Variants in TRANK1 observed in about 807,000 individuals in gnomAD.
TRANK1 encodes the protein tetratricopeptide repeat and ankyrin repeat containing 1.
A neutral mutation model predicts 266.0 loss-of-function variants in TRANK1; 198 were observed. That is an observed-to-expected ratio of 0.74 (90% CI 0.66 to 0.84). TRANK1 has a LOEUF of 0.84. TRANK1 is among the 40% of genes least tolerant of loss of function. The probability of loss-of-function intolerance (pLI) is 0.00; values close to 1 mark genes in which losing one functional copy is unlikely to be tolerated. For missense variants in TRANK1, 3,326 were observed against 3,634.6 expected, an observed-to-expected ratio of 0.92 and a Z score of 2.18; for synonymous variants, 1,396 against 1,384.1, an observed-to-expected ratio of 1.01 and a Z score of -0.19.
In TRANK1 at chr3:36,831,671, G is replaced by T. The variant is rs368303549; in HGVS notation, c.7912C>A (p.Arg2638=). 3 of 1,613,890 alleles carry T rather than the reference G, an allele frequency of 1.9e-6. No individual in the cohort carries two copies. The highest frequency in any genetic ancestry group is 4.5e-5 in the East Asian group (2 of 44,878). The change falls in exon 22 of 24, where the codon CGG becomes AGG. Residue 2638 remains arginine (R), a synonymous_variant. Transcript: ENST00000645898. The surrounding 1 kb of genome is among the most constrained non-coding windows in gnomAD (Gnocchi z 5.0). ...AEALQDLLFE[R]DEEYLMDCDW... ...CAGTCCATTAGGTACTCTTCATCCC[G>T]CTCAAAGAGCAGGTCCTGCAGTGCC...
intron 4 of TRANK1, among the ~76,000 whole-genome samples, chr3:36,896,858 G>T (rs2079798281): frequency 1.3e-5 from 2 of 152,126 alleles, no homozygotes; most frequent in Admixed American, 1.3e-4. Context: ...AGCTGGATGT[G>T]GTGGCAGTGC....
intron 1 of TRANK1, among the ~76,000 whole-genome samples, chr3:36,921,281 T>A (rs1017142959): frequency 1.3e-5 from 2 of 152,242 alleles, no homozygotes; most frequent in Non-Finnish European, 2.9e-5. Flanking sequence ...AGGGGCTACC[T>A]GCGACAGGAA....
intron 15 of TRANK1, among the ~76,000 whole-genome samples, chr3:36,849,281 C>T (rs532182391): frequency 6.6e-6 from 1 of 152,244 alleles, no homozygotes; most frequent in Non-Finnish European, 1.5e-5. Context: ...ATGGCAGTTA[C>T]CCTTCTAAGT....
At position 36,831,361 on chromosome 3, in the gene TRANK1, C is replaced by T. The variant is rs766511971; in HGVS notation, c.8222G>A (p.Gly2741Asp). 6.2e-7 allele frequency: 1 copy of T among 1,613,354 alleles called. No homozygotes were observed. Among genetic ancestry groups the T allele is most frequent in the Non-Finnish European group, 8.5e-7 (1 of 1,179,622 alleles). ...SLCISWRRRV[G>D]TQMERVREEA... ...CTCCCTGACACGCTCCATCTGGGTGCCCACTCTTCTCCTCCAACTGATGCA... is the reference window on the plus strand; with the variant it reads ...CTCCCTGACACGCTCCATCTGGGTGTCCACTCTTCTCCTCCAACTGATGCA... Residue 2741 changes from glycine to aspartate, a missense_variant, in exon 22 of 24, where the codon GGC becomes GAC. By Grantham distance (94) the Gly-to-Asp change is moderately conservative. Coordinates refer to ENST00000645898, the MANE Select transcript of TRANK1 (RefSeq NM_001329998.2). The surrounding 1 kb of genome is among the most constrained non-coding windows in gnomAD (Gnocchi z 5.0).
chr3:36,903,414 G>T, intron 2 of TRANK1, 139 bp from the exon 3 acceptor site: 2 of 1,097,992 alleles, frequency 1.8e-6, no homozygotes, highest in Non-Finnish European at 2.5e-6. Flanking sequence ...TATCAGATCA[G>T]TCTCCCAGAC....
intron 11 of TRANK1, among the ~76,000 whole-genome samples, chr3:36,860,572 A>G (rs1409302062): frequency 6.6e-6 from 1 of 152,234 alleles, no homozygotes; most frequent in African/African-American, 2.4e-5. Flanking sequence ...AAGTCTAGCC[A>G]GAGGTCAGGA....
intron 5 of TRANK1, among the ~76,000 whole-genome samples, chr3:36,893,624 T>C (rs1440908097): frequency 6.6e-6 from 1 of 152,186 alleles, no homozygotes; most frequent in Admixed American, 6.5e-5. Flanking sequence ...ACTGACCCTA[T>C]CTAAAGTTGC....
chr3:36,928,489 C>T (rs1164072992), intron 1 of TRANK1, among the ~76,000 whole-genome samples: 1 of 152,190 alleles, frequency 6.6e-6, no homozygotes, highest in African/African-American at 2.4e-5. Context: ...CTTCATTACA[C>T]ATGGAACATT....
chr3:36,865,035 T>TG (rs1025933371), intron 9 of TRANK1, among the ~76,000 whole-genome samples: 20 of 146,522 alleles, frequency 1.4e-4, no homozygotes, highest in African/African-American at 4.6e-4. Flanking sequence ...TTTTTTTTTT[T>TG]TTTTTTTTTT....
chr3:36,898,849 C>CAA (rs57126220), intron 4 of TRANK1, among the ~76,000 whole-genome samples: 1,153 of 112,890 alleles, frequency 0.01, 17 homozygotes, highest in African/African-American at 0.034. Context: ...GACTCTGTCT[C>CAA]AAAAAAAAAA....
At chr3:36,907,620 ACACCC>A (rs2079991233) in intron 2 of TRANK1, among the ~76,000 whole-genome samples, 1 of 150,986 alleles carries the variant, frequency 6.6e-6, no homozygotes, top group Non-Finnish European at 1.5e-5. Context: ...GCCCACCACC[ACACCC>A]GGCTAATCTG....
At chr3:36,859,044 G>T (rs2079097634) in intron 11 of TRANK1, 150 bp from the exon 12 acceptor site, 2 of 1,044,526 alleles carry the variant, frequency 1.9e-6, no homozygotes, top group Non-Finnish European at 2.6e-6. Context: ...ATTCTGGGAG[G>T]CAAAGGCTTC....
chr3:36,847,501 G>A (rs962199671), intron 15 of TRANK1, among the ~76,000 whole-genome samples, 155 bp from the exon 16 acceptor site: 11 of 152,154 alleles, frequency 7.2e-5, no homozygotes, highest in Non-Finnish European at 1.5e-4. Flanking sequence ...AGAATGGATA[G>A]GAGGGAGATT....
intron 8 of TRANK1, among the ~76,000 whole-genome samples, chr3:36,882,679 A>T (rs1366529680): frequency 6.6e-6 from 1 of 152,208 alleles, no homozygotes; most frequent in African/African-American, 2.4e-5. Flanking sequence ...ATTGCATGAC[A>T]AAAAACAACA....
At chr3:36,846,828 G>A (rs375398462) in intron 16 of TRANK1, among the ~76,000 whole-genome samples, 2 of 152,180 alleles carry the variant, frequency 1.3e-5, no homozygotes, top group South Asian at 2.1e-4. Flanking sequence ...CACAATTGCT[G>A]TGATTTATTT....
intron 13 of TRANK1, among the ~76,000 whole-genome samples, chr3:36,854,329 C>T (rs902222059): frequency 1.7e-4 from 26 of 151,402 alleles, no homozygotes; most frequent in South Asian, 6.3e-4. Flanking sequence ...CACTGCACTC[C>T]GGCCTGAGCA....
chr3:36,882,887 C>T (rs2079550598), intron 8 of TRANK1, among the ~76,000 whole-genome samples: 1 of 152,076 alleles, frequency 6.6e-6, no homozygotes, highest in Non-Finnish European at 1.5e-5. Flanking sequence ...AAAGTTCAAC[C>T]TCACACATAA....
At chr3:36,846,147 A>C (rs1288458512) in intron 17 of TRANK1, 101 bp downstream of exon 17, 3 of 1,224,924 alleles carry the variant, frequency 2.4e-6, no homozygotes, top group Non-Finnish European at 3.3e-6. Context: ...GAAAAGAAAG[A>C]AAGCACTTTC....
At chr3:36,923,635 C>G (rs56967019) in intron 1 of TRANK1, among the ~76,000 whole-genome samples, 5,009 of 152,234 alleles carry the variant, frequency 0.033, 117 homozygotes, top group African/African-American at 0.05. Context: ...AGGGGGAACT[C>G]TCTCTGGACG....
Sources: allele counts gnomAD v4.1 joint callset (sites outside exome capture counted in the v4.1 genomes callset), GRCh38; gene constraint gnomAD v4.1.1; non-coding constraint Gnocchi (gnomAD v3.1); transcripts MANE v1.5; gene names NCBI Gene and HGNC (gene_info 2026-07-23, HGNC 2026-07-21).